Variants in ESR1 observed in about 807,000 individuals in gnomAD.
ESR1 encodes estrogen receptor.
ESR1 carries 12 observed loss-of-function variants against 52.7 expected under a neutral mutation model. The ratio of observed to expected loss-of-function variants is 0.23; its 90% CI spans 0.15 to 0.37. The LOEUF is 0.37. ESR1 is among the 10% of genes least tolerant of loss of function. The pLI is 1.00. For missense variants in ESR1, 584 were observed against 779.7 expected, an observed-to-expected ratio of 0.75 and a Z score of 2.99; for synonymous variants, 305 against 316.8, an observed-to-expected ratio of 0.96 and a Z score of 0.39.
At chr6:151,981,246 C>T (rs558805196) in intron 4 of ESR1, among the ~76,000 whole-genome samples, 74 of 152,064 alleles carry the variant, frequency 4.9e-4, no homozygotes, top group Non-Finnish European at 1.0e-3. Flanking sequence ...TTAATTTCCC[C>T]CTATATTGCC....
chr6:151,723,673 A>T (rs575431906), intron 2 of ESR1, among the ~76,000 whole-genome samples: 29 of 152,242 alleles, frequency 1.9e-4, no homozygotes, highest in African/African-American at 7.0e-4. Flanking sequence ...GTTCGAGACC[A>T]GTCTGGCCAA....
chr6:152,106,665 T>C (rs984110347), downstream of ESR1, among the ~76,000 whole-genome samples: 6 of 152,238 alleles, frequency 3.9e-5, no homozygotes, highest in Non-Finnish European at 8.8e-5. Flanking sequence ...CTCAGCTCAC[T>C]GTAGCCTCCA....
chr6:152,063,174 C>T (rs900896944), intron 6 of ESR1, among the ~76,000 whole-genome samples: 6 of 152,328 alleles, frequency 3.9e-5, no homozygotes, highest in East Asian at 1.9e-4. Flanking sequence ...CTTGTTCCTT[C>T]GCTTCTTTCT....
intron 1 of ESR1, among the ~76,000 whole-genome samples, chr6:151,692,286 A>G (rs1446754383): frequency 6.6e-6 from 1 of 152,210 alleles, no homozygotes; most frequent in African/African-American, 2.4e-5. Flanking sequence ...GTAAGTATTT[A>G]CATCAGGCAT....
intron 3 of ESR1, among the ~76,000 whole-genome samples, chr6:151,924,654 T>C (rs2032354149): frequency 1.3e-5 from 2 of 152,288 alleles, no homozygotes; most frequent in South Asian, 4.1e-4. Context: ...GTTCTCATTA[T>C]TTATCTCTCA....
intron 4 of ESR1, among the ~76,000 whole-genome samples, chr6:151,962,924 T>C (rs1013761914): frequency 6.6e-6 from 1 of 152,168 alleles, no homozygotes; most frequent in Non-Finnish European, 1.5e-5. Context: ...CTTATAAATA[T>C]ATATAAAATG....
At chr6:151,896,756 C>T (rs950557850) in intron 3 of ESR1, among the ~76,000 whole-genome samples, 5 of 150,700 alleles carry the variant, frequency 3.3e-5, no homozygotes, top group Non-Finnish European at 7.4e-5. Flanking sequence ...TTCTGTAGTT[C>T]CTTGATTTGT....
chr6:151,911,789 A>G (rs1259189034), intron 3 of ESR1, among the ~76,000 whole-genome samples: 1 of 152,206 alleles, frequency 6.6e-6, no homozygotes, highest in Non-Finnish European at 1.5e-5. Flanking sequence ...GGAAGTTCCC[A>G]GTGATCAGAA....
chr6:151,877,841 G>T (rs777826205), intron 2 of ESR1, among the ~76,000 whole-genome samples: 1 of 151,498 alleles, frequency 6.6e-6, no homozygotes, highest in Admixed American at 6.6e-5. Flanking sequence ...ATAGGGTCTC[G>T]CTCTGTTGTC....
chr6:151,799,331 T>C (rs1385686421), intron 2 of ESR1, among the ~76,000 whole-genome samples: 2 of 152,238 alleles, frequency 1.3e-5, no homozygotes, highest in African/African-American at 4.8e-5. Flanking sequence ...TAAAGAAACA[T>C]TCATTCTAAT....
chr6:151,705,701 T>C (rs1582954529), intron 2 of ESR1, among the ~76,000 whole-genome samples: 5 of 152,222 alleles, frequency 3.3e-5, no homozygotes, highest in African/African-American at 1.2e-4. Context: ...GACTTTATCT[T>C]GTTGCTTTAA....
At chr6:152,031,238 C>A (rs2044671103) in intron 5 of ESR1, among the ~76,000 whole-genome samples, 1 of 152,062 alleles carries the variant, frequency 6.6e-6, no homozygotes, top group Non-Finnish European at 1.5e-5. Flanking sequence ...ACTAGAGAAG[C>A]AAGAGCAAAC....
At chr6:152,095,424 C>G (rs2050529305) in intron 7 of ESR1, among the ~76,000 whole-genome samples, 3 of 152,174 alleles carry the variant, frequency 2.0e-5, no homozygotes. Context: ...ACTCACACAT[C>G]TGGGAGGCAG....
chr6:151,960,039 C>T (rs1386820911), intron 4 of ESR1, among the ~76,000 whole-genome samples: 2 of 152,166 alleles, frequency 1.3e-5, no homozygotes, highest in Admixed American at 1.3e-4. Flanking sequence ...GTTCCTGACA[C>T]ATACTGGTGT....
At chr6:152,092,834 G>A (rs374360308) in intron 6 of ESR1, among the ~76,000 whole-genome samples, 140 of 152,136 alleles carry the variant, frequency 9.2e-4, no homozygotes, top group Middle Eastern at 3.4e-3. Context: ...TCCTGTCCTT[G>A]GGTTGAGGTC....
intron 6 of ESR1, among the ~76,000 whole-genome samples, chr6:152,084,946 C>A (rs761550408): frequency 6.6e-6 from 1 of 152,168 alleles, no homozygotes; most frequent in Non-Finnish European, 1.5e-5. Flanking sequence ...TAACTTCACA[C>A]TATAGCTGAT....
At chr6:151,804,606 A>T (rs1006031827), upstream of ESR1, 3 of 152,148 alleles carry the variant, frequency 2.0e-5, no homozygotes, top group African/African-American at 7.2e-5. Flanking sequence ...AAGCACAAAA[A>T]CATATATTTG....
chr6:151,720,497 C>T (rs1781376135), intron 2 of ESR1, among the ~76,000 whole-genome samples: 1 of 152,132 alleles, frequency 6.6e-6, no homozygotes, highest in East Asian at 1.9e-4. Flanking sequence ...TAGAAAAATG[C>T]TGCAAACTTT....
chr6:151,679,038 G>C (rs1327073107), intron 1 of ESR1, among the ~76,000 whole-genome samples: 2 of 152,174 alleles, frequency 1.3e-5, no homozygotes, highest in African/African-American at 4.8e-5. Flanking sequence ...CTGGTCCCAT[G>C]CTATCTGACC....
Sources: allele counts gnomAD v4.1 joint callset (sites outside exome capture counted in the v4.1 genomes callset), GRCh38; gene constraint gnomAD v4.1.1; transcripts MANE v1.5; gene names NCBI Gene and HGNC (gene_info 2026-07-23, HGNC 2026-07-21).